FAR1: variants seen among roughly 807,000 people sequenced by gnomAD.
FAR1 encodes the protein male sterility domain-containing protein 2.
FAR1 carries 22 observed loss-of-function variants against 61.1 expected under a neutral mutation model. The observed-to-expected ratio is 0.36, with a 90% CI of 0.26 to 0.51. The LOEUF (loss-of-function observed/expected upper bound fraction) is 0.51. Among genes scored for constraint, FAR1 ranks in the 20% least tolerant of loss-of-function variants. FAR1 has a pLI of 0.95. For missense variants in FAR1, 359 were observed against 626.9 expected, an observed-to-expected ratio of 0.57 and a Z score of 4.56; for synonymous variants, 206 against 209.7, an observed-to-expected ratio of 0.98 and a Z score of 0.15.
chr11:13,687,814 G>A (rs1350218122), intron 1 of FAR1, among the ~76,000 whole-genome samples: 3 of 152,024 alleles, frequency 2.0e-5, no homozygotes, highest in Admixed American at 6.6e-5. Flanking sequence ...GGACATGGAT[G>A]AAGCTGGAAA....
chr11:13,674,183 C>T (rs908100711), intron 1 of FAR1, among the ~76,000 whole-genome samples: 14 of 151,930 alleles, frequency 9.2e-5, no homozygotes, highest in African/African-American at 1.7e-4. Context: ...GTGGCGCCCA[C>T]CTGTAGTCCC....
chr11:13,691,680 A>G (rs1444784487), intron 1 of FAR1, among the ~76,000 whole-genome samples: 1 of 152,182 alleles, frequency 6.6e-6, no homozygotes, highest in Non-Finnish European at 1.5e-5. Context: ...AGGTTCATCC[A>G]TGTTGTAGTA....
intron 3 of FAR1, among the ~76,000 whole-genome samples, chr11:13,703,772 G>T (rs927159009): frequency 1.3e-5 from 2 of 152,112 alleles, no homozygotes; most frequent in African/African-American, 4.8e-5. Flanking sequence ...GGCTGGGCGT[G>T]GGGGCTCACG....
In FAR1 at chr11:13,694,775, A is replaced by G; in HGVS notation, c.10A>G (p.Ile4Val). 4 of 1,610,904 alleles carry G rather than the reference A, an allele frequency of 2.5e-6. No homozygotes were observed. Among genetic ancestry groups the G allele is most frequent in the Non-Finnish European group, 2.5e-6 (3 of 1,178,866 alleles). The stretch of plus-strand genomic sequence containing the variant: ...TTTTCTTAGGATCAAAATGGTTTCA[A>G]TCCCAGAATACTATGAAGGCAAGAA... MVSIPEYYEGKNVL... is the reference protein window; with the variant it reads MVSVPEYYEGKNVL... Residue 4 changes from isoleucine to valine, a missense_variant, in exon 2 of 12, where the codon ATC becomes GTC. Coordinates refer to ENST00000354817, the MANE Select transcript of FAR1 (RefSeq NM_032228.6).
At chr11:13,712,410 A>G (rs1848509810) in intron 7 of FAR1, among the ~76,000 whole-genome samples, 1 of 152,156 alleles carries the variant, frequency 6.6e-6, no homozygotes, top group South Asian at 2.1e-4. Context: ...ATGGTACACC[A>G]GAGCAGCTTT....
chr11:13,694,534 C>T (rs182338049), intron 1 of FAR1, among the ~76,000 whole-genome samples: 99 of 152,264 alleles, frequency 6.5e-4, no homozygotes, highest in Non-Finnish European at 1.1e-3. Flanking sequence ...AGTGACTTGT[C>T]TGAGGTGATC....
intron 1 of FAR1, among the ~76,000 whole-genome samples, chr11:13,671,725 A>C (rs1459452722): frequency 1.3e-5 from 2 of 152,210 alleles, no homozygotes; most frequent in Non-Finnish European, 2.9e-5. Context: ...ACTCAGAGAG[A>C]TATAACTTGC....
chr11:13,700,368 G>A lies in FAR1; in HGVS notation c.241G>A (p.Ala81Thr). ...ENPDFREKIIAINSELTQPKL... is the reference protein window; with the variant it reads ...ENPDFREKIITINSELTQPKL... ...TCCAGATTTTAGAGAGAAAATTATAGCAATCAACAGCGAACTCACCCAACC... is the reference window on the plus strand; with the variant it reads ...TCCAGATTTTAGAGAGAAAATTATAACAATCAACAGCGAACTCACCCAACC... Residue 81 changes from alanine (A) to threonine (T), a missense_variant, in exon 3 of 12, where the codon GCA (alanine) becomes ACA (threonine). Physicochemically the swap from Ala to Thr is moderately conservative, Grantham distance 58. Transcript: ENST00000354817. 6.3e-7 allele frequency: 1 copy of A among 1,599,318 alleles called. No homozygotes were observed. The highest frequency in any genetic ancestry group is 1.1e-5 in the South Asian group (1 of 87,214).
intron 1 of FAR1, among the ~76,000 whole-genome samples, chr11:13,688,303 T>C (rs1207946912): frequency 6.6e-6 from 1 of 152,130 alleles, no homozygotes; most frequent in African/African-American, 2.4e-5. Flanking sequence ...AATCACTTGT[T>C]AATAGCTTTG....
rs1430786592 is a variant in FAR1 at position 13,721,991 on chromosome 11, CT to C, written c.1257+135del. 1 of 688,596 alleles carries C rather than the reference CT, an allele frequency of 1.5e-6. No individual in the cohort carries two copies. The highest frequency in any genetic ancestry group is 2.2e-6 in the Non-Finnish European group (1 of 449,134). 42.7% of individuals were successfully genotyped at this position (688,596 alleles called of 1,614,324 possible). On this transcript the variant is annotated intron_variant, in intron 10 of 11. Transcript: ENST00000354817. The surrounding 1 kb of genome is among the most constrained non-coding windows in gnomAD (Gnocchi z 4.2). ...CCATTATTTATAGTCTCTCATAAAG[CT>C]TTAGTCATAATTGTTAGTGGTGAAA...
chr11:13,699,524 C>T (rs1338138485), intron 2 of FAR1, among the ~76,000 whole-genome samples: 1 of 152,162 alleles, frequency 6.6e-6, no homozygotes, highest in Non-Finnish European at 1.5e-5. Context: ...CCTGCTTAAA[C>T]TGCAAGTTTG....
chr11:13,731,732 G>A lies in FAR1; in HGVS notation c.*2958G>A, dbSNP rs1337708017. On this transcript the variant is annotated 3_prime_UTR_variant, in exon 12 of 12. Transcript: ENST00000354817. The stretch of plus-strand genomic sequence containing the variant: ...TTATGTATTACCTGGAATGAGGCAG[G>A]TTTTTTTCTGTTTTCTAAAAAGAGT... 3 of 152,076 alleles carry A rather than the reference G, an allele frequency of 2.0e-5. No homozygotes were observed. Among genetic ancestry groups the A allele is most frequent in the Non-Finnish European group, 4.4e-5 (3 of 68,006 alleles). The allele number at this position is 152,076 out of a possible 1,614,324, so 9.4% of individuals were successfully genotyped here.
chr11:13,677,840 A>C (rs952935698), intron 1 of FAR1, among the ~76,000 whole-genome samples: 1 of 152,254 alleles, frequency 6.6e-6, no homozygotes, highest in African/African-American at 2.4e-5. Context: ...AATCACAAAA[A>C]ATATGCTTGT....
At chr11:13,693,874 A>G (rs1433657438) in intron 1 of FAR1, among the ~76,000 whole-genome samples, 2 of 152,140 alleles carry the variant, frequency 1.3e-5, no homozygotes, top group Non-Finnish European at 2.9e-5. Flanking sequence ...TTAATTATGA[A>G]AAATTTGGAC....
At chr11:13,675,863 G>C (rs1591253092) in intron 1 of FAR1, among the ~76,000 whole-genome samples, 2 of 152,166 alleles carry the variant, frequency 1.3e-5, no homozygotes, top group Admixed American at 1.3e-4. Flanking sequence ...CTTGAATTTA[G>C]GGAATTGTTA....
Position 13,707,964 on chromosome 11 carries a change from A to G in FAR1, c.430A>G (p.Asn144Asp), listed in dbSNP as rs1307551387. The change falls in exon 4 of 12, where the codon AAT becomes GAT. Residue 144 changes from asparagine (N) to aspartate (D), a missense_variant. This residue lies in a region of FAR1 where 344 missense variants were observed against 570.3 expected (regional missense o/e 0.60). Coordinates refer to ENST00000354817, the MANE Select transcript of FAR1 (RefSeq NM_032228.6). ...TATTCTCCTTGCACAACAAATGAAGAATCTGGAAGTGTTCATGCATGTATC... is the reference window on the plus strand; with the variant it reads ...TATTCTCCTTGCACAACAAATGAAGGATCTGGAAGTGTTCATGCATGTATC... ...QLILLAQQMKNLEVFMHVSTA... is the reference protein window; with the variant it reads ...QLILLAQQMKDLEVFMHVSTA... 1.2e-6 allele frequency: 2 copies of G among 1,604,530 alleles called. No homozygotes were observed. Among genetic ancestry groups the G allele is most frequent in the South Asian group, 2.2e-5 (2 of 89,222 alleles).
chr11:13,710,999 G>C, intron 5 of FAR1, 129 bp downstream of exon 5: 1 of 761,114 alleles, frequency 1.3e-6, no homozygotes, highest in Non-Finnish European at 2.1e-6. Context: ...TGGCAAAGCT[G>C]TTTTGTGTTC....
chr11:13,727,649 T>G lies in FAR1; in HGVS notation c.1351T>G (p.Ser451Ala). Reference protein sequence around the residue: ...TKKYVLNEEMSGLPAARKHLN... With the variant: ...TKKYVLNEEMAGLPAARKHLN... Reference sequence around the variant, plus strand: ...GAAGTACGTATTGAATGAAGAAATGTCTGGCCTCCCTGCAGCCAGAAAACA... The same window carrying G: ...GAAGTACGTATTGAATGAAGAAATGGCTGGCCTCCCTGCAGCCAGAAAACA... Residue 451 changes from serine to alanine, a missense_variant, in exon 11 of 12, where the codon TCT becomes GCT. This residue lies in a region of FAR1 where 344 missense variants were observed against 570.3 expected (regional missense o/e 0.60). Transcript: ENST00000354817. 6.2e-7 allele frequency: 1 copy of G among 1,610,062 alleles called. No individual in the cohort carries two copies. The highest frequency in any genetic ancestry group is 2.2e-5 in the East Asian group (1 of 44,690).
chr11:13,716,468 C>T (rs1180842169), intron 9 of FAR1, among the ~76,000 whole-genome samples: 3 of 152,128 alleles, frequency 2.0e-5, no homozygotes, highest in Admixed American at 2.0e-4. Flanking sequence ...TGTTTGTGAT[C>T]AGATGAAAGA....
Sources: allele counts gnomAD v4.1 joint callset (sites outside exome capture counted in the v4.1 genomes callset), GRCh38; gene constraint gnomAD v4.1.1; regional missense constraint gnomAD v4.1.1; non-coding constraint Gnocchi (gnomAD v3.1); transcripts MANE v1.5; gene names NCBI Gene and HGNC (gene_info 2026-07-23, HGNC 2026-07-21).